The following RUNX2 variants were observed in gnomAD, a reference collection of about 807,000 sequenced individuals.
The protein encoded by RUNX2 is RUNX family transcription factor 2.
RUNX2 carries 10 observed loss-of-function variants against 51.7 expected under a neutral mutation model. That is an observed-to-expected ratio of 0.19 (90% confidence interval 0.12 to 0.33). The LOEUF is 0.33. Among genes scored for constraint, RUNX2 ranks in the 10% least tolerant of loss-of-function variants. The pLI is 1.00. For missense variants in RUNX2, 562 were observed against 691.3 expected (o/e 0.81, Z 2.10); for synonymous variants, 276 against 273.6 (o/e 1.01, Z -0.09).
chr6:45,359,708 C>G (rs1016157198), intron 2 of RUNX2, among the ~76,000 whole-genome samples: 2 of 152,126 alleles, frequency 1.3e-5, no homozygotes, highest in Non-Finnish European at 2.9e-5. Context: ...TGAAAAAGAT[C>G]TGTTGTTAGA....
intron 2 of RUNX2, among the ~76,000 whole-genome samples, chr6:45,369,723 G>A (rs1481171192): frequency 6.6e-6 from 1 of 152,156 alleles, no homozygotes; most frequent in Non-Finnish European, 1.5e-5. Flanking sequence ...CTAAGAGGTA[G>A]GGATATAGTA....
At chr6:45,521,158 T>G (rs1801496821) in intron 7 of RUNX2, among the ~76,000 whole-genome samples, 1 of 152,146 alleles carries the variant, frequency 6.6e-6, no homozygotes, top group South Asian at 2.1e-4. Flanking sequence ...TTAAGAATGT[T>G]TAATGAAACA....
intron 6 of RUNX2, among the ~76,000 whole-genome samples, chr6:45,502,227 C>T (rs1349446051): frequency 6.6e-6 from 1 of 152,182 alleles, no homozygotes; most frequent in Admixed American, 6.5e-5. Context: ...GCACACTGCT[C>T]TCCCTTATCT....
chr6:45,437,393 A>T (rs1175584562), intron 4 of RUNX2, among the ~76,000 whole-genome samples: 3 of 152,210 alleles, frequency 2.0e-5, no homozygotes, highest in Admixed American at 1.3e-4. Flanking sequence ...CCACAGGCAC[A>T]TTACGGCCAG....
intron 6 of RUNX2, among the ~76,000 whole-genome samples, chr6:45,497,588 T>C (rs1222238250): frequency 6.6e-6 from 1 of 152,204 alleles, no homozygotes; most frequent in African/African-American, 2.4e-5. Context: ...TCAGATCAAA[T>C]GCTGCCACCT....
chr6:45,359,813 G>A (rs1793922986), intron 2 of RUNX2, among the ~76,000 whole-genome samples: 1 of 152,164 alleles, frequency 6.6e-6, no homozygotes, highest in African/African-American at 2.4e-5. Context: ...GGAGGCCAAG[G>A]TGGGAGGATC....
At chr6:45,485,678 T>TGA (rs1227013533) in intron 5 of RUNX2, among the ~76,000 whole-genome samples, 2 of 118,632 alleles carry the variant, frequency 1.7e-5, no homozygotes, top group Admixed American at 8.6e-5. Flanking sequence ...TATGTATGTG[T>TGA]GTGTGTGTGT....
chr6:45,443,036 CTTTTTTT>C (rs10564853), intron 5 of RUNX2, among the ~76,000 whole-genome samples: 3 of 52,166 alleles, frequency 5.8e-5, no homozygotes, highest in African/African-American at 9.5e-5. Context: ...TCAGGCCTTG[CTTTTTTT>C]TTTTTTTTTT....
chr6:45,469,097 C>T (rs1242065724), intron 5 of RUNX2, among the ~76,000 whole-genome samples: 4 of 152,196 alleles, frequency 2.6e-5, no homozygotes, highest in African/African-American at 7.2e-5. Flanking sequence ...TAAAATTTTG[C>T]AGCATCCAGA....
intron 2 of RUNX2, among the ~76,000 whole-genome samples, chr6:45,338,682 T>C (rs1375558389): frequency 6.6e-6 from 1 of 152,108 alleles, no homozygotes; most frequent in African/African-American, 2.4e-5. Flanking sequence ...GCAATATAAA[T>C]TTGGGTTCAG....
intron 2 of RUNX2, among the ~76,000 whole-genome samples, chr6:45,329,104 A>G (rs561040217): frequency 6.6e-6 from 1 of 152,126 alleles, no homozygotes; most frequent in South Asian, 2.1e-4. Flanking sequence ...AACCCTCACC[A>G]GAAGAAAAGT....
At chr6:45,430,849 G>A (rs1378537256) in intron 3 of RUNX2, among the ~76,000 whole-genome samples, 1 of 152,130 alleles carries the variant, frequency 6.6e-6, no homozygotes, top group African/African-American at 2.4e-5. Context: ...TGAATATAGA[G>A]TCCTGGAAGT....
At chr6:45,473,081 G>T (rs943323235) in intron 5 of RUNX2, among the ~76,000 whole-genome samples, 1 of 152,178 alleles carries the variant, frequency 6.6e-6, no homozygotes, top group Non-Finnish European at 1.5e-5. Flanking sequence ...TTCTTTGAAA[G>T]AACTATTTAA....
intron 2 of RUNX2, among the ~76,000 whole-genome samples, chr6:45,365,028 C>T (rs1218670654): frequency 1.3e-5 from 2 of 152,112 alleles, no homozygotes; most frequent in African/African-American, 4.8e-5. Context: ...GCATTTTTAA[C>T]CAATTTTGCC....
At chr6:45,432,059 C>T in intron 4 of RUNX2, 40 bp downstream of exon 4, 1 of 1,589,910 alleles carries the variant, frequency 6.3e-7, no homozygotes, top group Non-Finnish European at 8.6e-7. Context: ...AGAATAAGCA[C>T]ATTAGGCTCC....
intron 2 of RUNX2, among the ~76,000 whole-genome samples, chr6:45,372,423 TTA>T (rs1388720769): frequency 3.3e-5 from 5 of 152,226 alleles, no homozygotes; most frequent in Non-Finnish European, 5.9e-5. Flanking sequence ...TCAAAGAATG[TTA>T]TGACTAAGAG....
intron 6 of RUNX2, among the ~76,000 whole-genome samples, chr6:45,507,278 T>A (rs1283421103): frequency 2.0e-5 from 3 of 152,170 alleles, no homozygotes; most frequent in Non-Finnish European, 4.4e-5. Context: ...AGACAGTTTC[T>A]TGTTTGTCGT....
chr6:45,394,213 A>G (rs1797535745), intron 2 of RUNX2, among the ~76,000 whole-genome samples: 2 of 151,778 alleles, frequency 1.3e-5, no homozygotes, highest in Non-Finnish European at 2.9e-5. Context: ...CAGCTACCAC[A>G]CTCTTAACCA....
chr6:45,538,588 G>A (rs1258882342), intron 7 of RUNX2, among the ~76,000 whole-genome samples: 1 of 151,958 alleles, frequency 6.6e-6, no homozygotes, highest in East Asian at 1.9e-4. Flanking sequence ...GTAGCCATAA[G>A]TCATTAGTGG....
Sources: allele counts gnomAD v4.1 joint callset (sites outside exome capture counted in the v4.1 genomes callset), GRCh38; gene constraint gnomAD v4.1.1; transcripts MANE v1.5; gene names NCBI Gene and HGNC (gene_info 2026-07-23, HGNC 2026-07-21).